Variants in RAB37 observed in about 807,000 individuals in gnomAD.
The protein encoded by RAB37 is ras-related protein Rab-37.
Under a neutral mutation model 33.1 loss-of-function variants are expected in RAB37, and 29 were observed. The observed-to-expected ratio is 0.88, with a 90% CI of 0.65 to 1.20. RAB37 has a LOEUF of 1.20. Ranked by LOEUF, RAB37 falls within the 50% of genes most tolerant of loss-of-function variation. The pLI is 0.00. For missense variants in RAB37, 299 were observed against 301.1 expected, an observed-to-expected ratio of 0.99 and a Z score of 0.05; for synonymous variants, 128 against 119.5, an observed-to-expected ratio of 1.07 and a Z score of -0.47.
rs557270881 is a variant in RAB37 at position 74,712,502 on chromosome 17, G to A, written c.73-16754G>A. On this transcript the variant is annotated intron_variant, in intron 1 of 7. Coordinates refer to the RAB37 transcript ENST00000340415. The stretch of plus-strand genomic sequence containing the variant: ...GCAGGTGACAGATCACCCAGTCCAG[G>A]ATCAGGCAGTCGCCTGCTCTCCTGA... Among the ~76,000 whole-genome samples, 4 of 152,278 alleles carry A rather than the reference G, an allele frequency of 2.6e-5. No individual in the cohort carries two copies. The South Asian group carries it at 8.3e-4, about 32-fold the overall frequency.
At chr17:74,695,069 G>T in intron 1 of RAB37, 2 of 1,603,478 alleles carry the variant, frequency 1.2e-6, no homozygotes, top group South Asian at 2.2e-5. Flanking sequence ...CACAGCCTGG[G>T]GTCCAAGAAG....
At chr17:74,702,267 G>A (rs2033121793) in intron 1 of RAB37, among the ~76,000 whole-genome samples, 1 of 152,134 alleles carries the variant, frequency 6.6e-6, no homozygotes, top group Admixed American at 6.5e-5. Context: ...CCAGCTGACT[G>A]CAGATGGTTG....
intron 1 of RAB37, among the ~76,000 whole-genome samples, chr17:74,683,517 C>T (rs1022842766): frequency 1.3e-5 from 2 of 152,208 alleles, no homozygotes; most frequent in African/African-American, 4.8e-5. Flanking sequence ...GAGTATGCCA[C>T]CTACAAAGTC....
chr17:74,707,211 G>C (rs1373879146), intron 1 of RAB37, among the ~76,000 whole-genome samples: 1 of 152,170 alleles, frequency 6.6e-6, no homozygotes, highest in Non-Finnish European at 1.5e-5. Flanking sequence ...TACAGAGTGA[G>C]AGAAAATATT....
At chr17:74,683,984 C>T (rs969098431) in intron 1 of RAB37, among the ~76,000 whole-genome samples, 2 of 152,204 alleles carry the variant, frequency 1.3e-5, no homozygotes, top group African/African-American at 4.8e-5. Flanking sequence ...GTGACAGAGG[C>T]AGGGGAAGAA....
chr17:74,706,042 T>C (rs1181842554), intron 1 of RAB37, among the ~76,000 whole-genome samples: 1 of 151,938 alleles, frequency 6.6e-6, no homozygotes, highest in African/African-American at 2.4e-5. Context: ...GAGCTAAACA[T>C]TGGTTATGCA....
intron 1 of RAB37, chr17:74,712,986 C>G: frequency 9.7e-7 from 1 of 1,029,952 alleles, no homozygotes; most frequent in South Asian, 1.4e-5. Context: ...TCAGTCACTT[C>G]CCATGGGTGA....
In RAB37 at chr17:74,742,819, G is replaced by T. The variant is rs1337665580; in HGVS notation, c.247-310G>T. On this transcript the variant is annotated intron_variant, in intron 3 of 8. Coordinates refer to ENST00000392613, the MANE Select transcript of RAB37 (RefSeq NM_001006638.3). The surrounding 1 kb of genome is among the most constrained non-coding windows in gnomAD (Gnocchi z 4.0). ...TTTTTGTATTTTTAGTAGAGACGGGGTTTCACTGTGTTAGCCAGGATGGTC... is the reference window on the plus strand; with the variant it reads ...TTTTTGTATTTTTAGTAGAGACGGGTTTTCACTGTGTTAGCCAGGATGGTC... 6.6e-6 allele frequency among the ~76,000 whole-genome samples: 1 copy of T among 152,016 alleles called. No individual in the cohort carries two copies. The highest frequency in any genetic ancestry group is 1.5e-5 in the Non-Finnish European group (1 of 68,000).
Position 74,676,923 on chromosome 17 carries a change from C to T in RAB37, c.72+5265C>T, listed in dbSNP as rs970631237. On this transcript the variant is annotated intron_variant, in intron 1 of 7. Transcript: ENST00000340415. This position sits in a 1 kb window ranked among gnomAD's most constrained non-coding sequence, Gnocchi z 4.1. ...ATCCCAGCACTTTGGGAGGCTGAGG[C>T]AGGTGGATCATGAGGTCAGGAATTC... 2.4e-4 allele frequency among the ~76,000 whole-genome samples: 36 copies of T among 152,088 alleles called. 1 individual carries two copies. The highest frequency in any genetic ancestry group is 5.0e-4 in the Non-Finnish European group (34 of 68,004).
intron 2 of RAB37, among the ~76,000 whole-genome samples, chr17:74,741,979 G>A (rs571943028): frequency 5.3e-5 from 8 of 152,328 alleles, no homozygotes; most frequent in Non-Finnish European, 1.2e-4. Flanking sequence ...TCCAGCCCTG[G>A]GCTGCCTGAT....
intron 1 of RAB37, chr17:74,695,945 TCTCCACTTCCCCAGGTGCCC>T: frequency 6.8e-7 from 1 of 1,476,038 alleles, no homozygotes; most frequent in Non-Finnish European, 9.2e-7. Flanking sequence ...GACGAGAGCC[TCTCCACTTCCCCAGGTGCCC>T]CTCTCCCATT....
chr17:74,728,826 T>G (rs1295486582), intron 1 of RAB37, among the ~76,000 whole-genome samples: 3 of 152,038 alleles, frequency 2.0e-5, no homozygotes, highest in Non-Finnish European at 2.9e-5. Context: ...TGTTTTTCTG[T>G]GTCTGTATGT....
intron 1 of RAB37, among the ~76,000 whole-genome samples, chr17:74,720,410 C>T (rs183895986): frequency 2.6e-4 from 39 of 152,078 alleles, no homozygotes; most frequent in East Asian, 7.7e-4. Flanking sequence ...CATGGCGAAA[C>T]CCCATCTCTA....
chr17:74,695,440 C>G (rs867882349), intron 1 of RAB37, among the ~76,000 whole-genome samples: 2 of 152,170 alleles, frequency 1.3e-5, no homozygotes, highest in Admixed American at 6.5e-5. Context: ...GATTCTCCCC[C>G]AACCCTGCAC....
In RAB37 at chr17:74,744,977, G is replaced by A. The variant is rs372389737; in HGVS notation, c.490-31G>A. On this transcript the variant is annotated intron_variant, in intron 7 of 8. Coordinates refer to ENST00000392613, the MANE Select transcript of RAB37 (RefSeq NM_001006638.3). This position sits in a 1 kb window ranked among gnomAD's most constrained non-coding sequence, Gnocchi z 4.2. ...GGGTGAAGGGTGGGGGCAACCCGAC[G>A]CTGGCCCTGAGGACACTCTCTCCCG... 6.4e-5 allele frequency: 103 copies of A among 1,614,196 alleles called. No individual in the cohort carries two copies. The African/African-American group carries it at 1.1e-3, about 17-fold the overall frequency.
chr17:74,672,435 T>C (rs970163452), intron 1 of RAB37, among the ~76,000 whole-genome samples: 4 of 152,222 alleles, frequency 2.6e-5, no homozygotes, highest in South Asian at 2.1e-4. Flanking sequence ...GCTTTGATAA[T>C]GCCAGTTCAC....
Position 74,744,521 on chromosome 17 carries a change from T to G in RAB37, c.432+148T>G, listed in dbSNP as rs147879076. 7.7e-4 allele frequency: 581 copies of G among 751,560 alleles called. 3 individuals carry two copies. The African/African-American group carries it at 9.2e-3, about 12-fold the overall frequency. 46.6% of individuals were successfully genotyped at this position (751,560 alleles called of 1,614,324 possible). ...CAGGGGTCAGACATATCTGGAGGCT[T>G]CTGCCCATCCCATCTGCCCCTTCCA... On this transcript the variant is annotated intron_variant, in intron 6 of 8. Transcript: ENST00000392613. The surrounding 1 kb of genome is among the most constrained non-coding windows in gnomAD (Gnocchi z 4.2).
chr17:74,695,627 C>G, intron 1 of RAB37: 1 of 1,547,798 alleles, frequency 6.5e-7, no homozygotes, highest in Non-Finnish European at 8.8e-7. Flanking sequence ...CTCCTCTATG[C>G]CCACATGAGC....
At chr17:74,726,090 C>G (rs1025599381) in intron 1 of RAB37, among the ~76,000 whole-genome samples, 1 of 151,920 alleles carries the variant, frequency 6.6e-6, no homozygotes, top group African/African-American at 2.4e-5. Context: ...CAAAAATTAG[C>G]CAGGTGTGGT....
Sources: gnomAD v4.1 joint callset for allele counts (sites outside exome capture counted in the v4.1 genomes callset) on GRCh38, gnomAD v4.1.1 for gene constraint, Gnocchi (gnomAD v3.1) non-coding constraint, MANE v1.5 for transcripts, NCBI Gene and HGNC (gene_info 2026-07-23, HGNC 2026-07-21) for gene names.